Variants in GPHN observed in about 807,000 individuals in gnomAD.
The protein encoded by GPHN is gephyrin.
A neutral mutation model predicts 95.5 loss-of-function variants in GPHN; 17 were observed. That is an observed-to-expected ratio of 0.18 (90% CI 0.12 to 0.27). The LOEUF is 0.27. Ranked by LOEUF, GPHN falls within the 10% of genes least tolerant of loss-of-function variation. The pLI is 1.00. For synonymous variants in GPHN, 320 were observed against 322.5 expected (o/e 0.99, Z 0.08); for missense variants, 660 against 978.1 (o/e 0.67, Z 4.34).
At chr14:66,825,186 G>GA (rs977925855) in intron 4 of GPHN, among the ~76,000 whole-genome samples, 5 of 151,968 alleles carry the variant, frequency 3.3e-5, no homozygotes, top group Non-Finnish European at 5.9e-5. Context: ...TATGGGGGGG[G>GA]ATGTATTTTT....
intron 2 of GPHN, among the ~76,000 whole-genome samples, chr14:66,744,297 T>C (rs1273552438): frequency 6.6e-6 from 1 of 152,230 alleles, no homozygotes; most frequent in African/African-American, 2.4e-5. Context: ...ATCTCCCTTA[T>C]TAATCCTTTT....
At chr14:66,990,427 T>C (rs2071333931) in intron 9 of GPHN, among the ~76,000 whole-genome samples, 1 of 152,202 alleles carries the variant, frequency 6.6e-6, no homozygotes, top group African/African-American at 2.4e-5. Flanking sequence ...TATAATTTTC[T>C]GAGGATCTTC....
chr14:66,545,676 G>T (rs2059550330), intron 1 of GPHN, among the ~76,000 whole-genome samples: 1 of 133,328 alleles, frequency 7.5e-6, no homozygotes, highest in African/African-American at 2.9e-5. Context: ...CTTCCCAGTA[G>T]GGGCGGCCGG....
At chr14:67,011,119 C>G (rs767334366) in intron 9 of GPHN, among the ~76,000 whole-genome samples, 4 of 151,928 alleles carry the variant, frequency 2.6e-5, no homozygotes, top group Admixed American at 6.6e-5. Flanking sequence ...TAGTAAACAA[C>G]AGATAATATA....
the GPHN span, chr14:67,573,416 C>A: frequency 1.5e-6 from 2 of 1,293,262 alleles, no homozygotes; most frequent in South Asian, 1.2e-5. The surrounding 1 kb of genome is among the most constrained non-coding windows in gnomAD (Gnocchi z 4.8). Flanking sequence ...GCACTGCAGT[C>A]AAAAGGTCTC....
intron 1 of GPHN, among the ~76,000 whole-genome samples, chr14:66,655,616 T>C (rs903847738): frequency 1.2e-4 from 18 of 152,236 alleles, no homozygotes; most frequent in Admixed American, 6.5e-4. Context: ...CTGCACTTGC[T>C]AAATATTATT....
At chr14:67,394,441 A>G in the GPHN span, among the ~76,000 whole-genome samples, 2 of 152,098 alleles carry the variant, frequency 1.3e-5, no homozygotes, top group Admixed American at 6.5e-5. Flanking sequence ...AGTAGCCCAC[A>G]TGGTTCTCTG....
the GPHN span, among the ~76,000 whole-genome samples, chr14:67,250,614 G>A: frequency 0.15 from 23,555 of 152,136 alleles, 3,448 homozygotes; most frequent in East Asian, 0.42. Flanking sequence ...CATACAATAT[G>A]CAGGGATTCA....
At chr14:66,763,329 C>T (rs899187786) in intron 2 of GPHN, among the ~76,000 whole-genome samples, 6 of 145,640 alleles carry the variant, frequency 4.1e-5, no homozygotes, top group East Asian at 2.0e-4. Context: ...CATGCTGGTG[C>T]ACTGCACCCA....
chr14:67,451,302 G>C, the GPHN span, among the ~76,000 whole-genome samples: 1 of 152,216 alleles, frequency 6.6e-6, no homozygotes, highest in African/African-American at 2.4e-5. Flanking sequence ...GTCCCTACTG[G>C]GGTATCTCCT....
the GPHN span, among the ~76,000 whole-genome samples, chr14:67,225,926 AGTGTGT>A: frequency 0.012 from 1,654 of 136,716 alleles, 30 homozygotes; most frequent in African/African-American, 0.04. Context: ...TAATGCTGTG[AGTGTGT>A]GTGTGTGTGT....
chr14:67,160,694 A>G (rs2081924759), intron 19 of GPHN, among the ~76,000 whole-genome samples: 1 of 152,112 alleles, frequency 6.6e-6, no homozygotes, highest in African/African-American at 2.4e-5. Context: ...TTTACTGTCA[A>G]TGAACCCTAG....
chr14:67,569,401 T>C, the GPHN span, among the ~76,000 whole-genome samples: 2 of 152,144 alleles, frequency 1.3e-5, no homozygotes, highest in African/African-American at 4.8e-5. Context: ...AGGGAAGTCG[T>C]ACAGGTTCAG....
At chr14:66,931,108 C>T (rs1030270671) in intron 8 of GPHN, among the ~76,000 whole-genome samples, 1 of 151,694 alleles carries the variant, frequency 6.6e-6, no homozygotes, top group African/African-American at 2.4e-5. Flanking sequence ...GTTTGAAGGA[C>T]ATTTTCACAG....
intron 9 of GPHN, among the ~76,000 whole-genome samples, chr14:66,980,841 G>A (rs544143630): frequency 7.2e-5 from 11 of 152,220 alleles, no homozygotes; most frequent in African/African-American, 2.4e-4. Context: ...ACCTGAGGTC[G>A]GGAGTTTGAG....
intron 10 of GPHN, among the ~76,000 whole-genome samples, chr14:67,039,209 A>G (rs1018063136): frequency 2.0e-5 from 3 of 152,080 alleles, no homozygotes; most frequent in African/African-American, 4.8e-5. Context: ...TCATTGGGCA[A>G]TTTCGCATTC....
At chr14:67,262,083 C>G in the GPHN span, among the ~76,000 whole-genome samples, 1 of 152,122 alleles carries the variant, frequency 6.6e-6, no homozygotes, top group East Asian at 1.9e-4. Context: ...AGCTATGTGA[C>G]TTAACTTTCA....
At chr14:67,142,665 G>A (rs1392141039) in intron 17 of GPHN, among the ~76,000 whole-genome samples, 1 of 151,912 alleles carries the variant, frequency 6.6e-6, no homozygotes, top group Non-Finnish European at 1.5e-5. Flanking sequence ...CCTATTTCTA[G>A]GGATCCTCCC....
At chr14:67,273,258 G>A in the GPHN span, among the ~76,000 whole-genome samples, 6 of 151,380 alleles carry the variant, frequency 4.0e-5, no homozygotes, top group Non-Finnish European at 7.4e-5. Context: ...TAATGCTATC[G>A]CTCCCCCCTC....
Sources: gnomAD v4.1 joint callset for allele counts (sites outside exome capture counted in the v4.1 genomes callset) on GRCh38, gnomAD v4.1.1 for gene constraint, Gnocchi (gnomAD v3.1) non-coding constraint, MANE v1.5 for transcripts, NCBI Gene and HGNC (gene_info 2026-07-23, HGNC 2026-07-21) for gene names.